Variants in CTNNA3 observed in about 807,000 individuals in gnomAD.
The protein encoded by CTNNA3 is catenin alpha-3.
CTNNA3 carries 76 observed loss-of-function variants against 95.7 expected under a neutral mutation model. The ratio of observed to expected loss-of-function variants is 0.79; its 90% CI spans 0.66 to 0.96. CTNNA3 has a LOEUF of 0.96. CTNNA3 is among the 40% of genes least tolerant of loss of function. CTNNA3 has a pLI of 0.00. For synonymous variants in CTNNA3, 431 were observed against 374.4 expected, an observed-to-expected ratio of 1.15 and a Z score of -1.74; for missense variants, 1,191 against 1,089.8, an observed-to-expected ratio of 1.09 and a Z score of -1.31.
intron 9 of CTNNA3, among the ~76,000 whole-genome samples, chr10:66,691,160 G>A (rs1209585857): frequency 2.6e-5 from 4 of 152,178 alleles, no homozygotes; most frequent in Admixed American, 6.5e-5. Context: ...GCAAGGCATT[G>A]CCTCACTCAG....
At chr10:66,860,669 C>T (rs2132410219) in intron 7 of CTNNA3, among the ~76,000 whole-genome samples, 1 of 152,248 alleles carries the variant, frequency 6.6e-6, no homozygotes, top group East Asian at 1.9e-4. Context: ...ATTTGCTATA[C>T]ATAAGACAAT....
chr10:66,999,825 C>T (rs1320022879), intron 7 of CTNNA3, among the ~76,000 whole-genome samples: 1 of 152,088 alleles, frequency 6.6e-6, no homozygotes, highest in Non-Finnish European at 1.5e-5. Flanking sequence ...GATTTGTATA[C>T]TAATTCTAGT....
chr10:65,981,509 T>C (rs535128554), intron 16 of CTNNA3, among the ~76,000 whole-genome samples: 1 of 151,990 alleles, frequency 6.6e-6, no homozygotes, highest in South Asian at 2.1e-4. Context: ...CTAAGATTCA[T>C]ATAGAACCAA....
intron 1 of CTNNA3, among the ~76,000 whole-genome samples, chr10:67,654,249 C>T (rs1464623821): frequency 6.6e-6 from 1 of 152,106 alleles, no homozygotes; most frequent in Admixed American, 6.6e-5. Context: ...GAAAGATTGG[C>T]GAGTAGAGCC....
intron 13 of CTNNA3, among the ~76,000 whole-genome samples, chr10:66,143,588 C>T (rs182222801): frequency 1.3e-5 from 2 of 152,290 alleles, no homozygotes; most frequent in Admixed American, 1.3e-4. Flanking sequence ...TAAATGGCTA[C>T]AATAACTTAA....
chr10:67,576,343 G>A (rs1186601368), intron 3 of CTNNA3, among the ~76,000 whole-genome samples: 1 of 151,930 alleles, frequency 6.6e-6, no homozygotes, highest in Non-Finnish European at 1.5e-5. Flanking sequence ...GAAGTATCTG[G>A]GAATTTATTT....
intron 7 of CTNNA3, among the ~76,000 whole-genome samples, chr10:66,969,223 C>T (rs1181971702): frequency 1.3e-5 from 2 of 152,018 alleles, no homozygotes; most frequent in Admixed American, 1.3e-4. Flanking sequence ...AACATTCATA[C>T]ATCTATGCAC....
chr10:66,531,050 A>G lies in CTNNA3; in HGVS notation c.1375-10277T>C, dbSNP rs928146008. 3.3e-5 allele frequency among the ~76,000 whole-genome samples: 5 copies of G among 152,186 alleles called. No homozygotes were observed. The East Asian group carries it at 9.6e-4, about 29-fold the overall frequency. ...TGCTCCCGGGAGGTCTGTAAAAGGC[A>G]ATAATTCCACATGAAAATCAAAACA... is the stretch of plus-strand genomic sequence containing the variant. On this transcript the variant is annotated intron_variant, in intron 10 of 17. Coordinates refer to ENST00000433211, the MANE Select transcript of CTNNA3 (RefSeq NM_013266.4).
intron 7 of CTNNA3, among the ~76,000 whole-genome samples, chr10:66,843,280 C>G (rs1286958817): frequency 1.3e-5 from 2 of 152,028 alleles, no homozygotes; most frequent in African/African-American, 4.8e-5. Context: ...GGATTCAATC[C>G]CAGACCCCTG....
At chr10:67,178,340 C>T (rs1168879965) in intron 7 of CTNNA3, among the ~76,000 whole-genome samples, 1 of 151,546 alleles carries the variant, frequency 6.6e-6, no homozygotes, top group East Asian at 1.9e-4. Context: ...CTATATGTCA[C>T]GAGACATATA....
At chr10:66,376,231 C>G (rs998947157) in intron 12 of CTNNA3, among the ~76,000 whole-genome samples, 2 of 152,148 alleles carry the variant, frequency 1.3e-5, no homozygotes, top group African/African-American at 4.8e-5. Flanking sequence ...CTTCACAATA[C>G]AGTCCAGAAG....
chr10:67,439,438 T>A (rs946779405), intron 5 of CTNNA3, among the ~76,000 whole-genome samples: 1 of 152,018 alleles, frequency 6.6e-6, no homozygotes, highest in Non-Finnish European at 1.5e-5. Context: ...CAAGCACATC[T>A]TACATGGCCG....
chr10:67,556,075 G>A (rs934065307), intron 3 of CTNNA3, among the ~76,000 whole-genome samples: 8 of 152,150 alleles, frequency 5.3e-5, no homozygotes, highest in Non-Finnish European at 5.9e-5. Context: ...TGTGTATGTT[G>A]AACCAGCCTT....
chr10:67,728,816 T>C (rs1433359307), intron 1 of CTNNA3, among the ~76,000 whole-genome samples: 1 of 152,116 alleles, frequency 6.6e-6, no homozygotes, highest in Non-Finnish European at 1.5e-5. Flanking sequence ...GACTGCTATG[T>C]GGTACTTACT....
chr10:67,400,091 C>T (rs1484622874), intron 5 of CTNNA3, among the ~76,000 whole-genome samples: 4 of 137,986 alleles, frequency 2.9e-5, no homozygotes, highest in African/African-American at 1.1e-4. Context: ...CCACAACAGT[C>T]CCCGGTGTGT....
At chr10:65,995,573 G>A (rs534404176) in intron 15 of CTNNA3, among the ~76,000 whole-genome samples, 68 of 152,326 alleles carry the variant, frequency 4.5e-4, no homozygotes, top group Middle Eastern at 3.4e-3. Flanking sequence ...CACAGGCAGC[G>A]TGCATGGGCA....
At chr10:66,633,066 T>C (rs547153724) in intron 9 of CTNNA3, among the ~76,000 whole-genome samples, 33 of 152,278 alleles carry the variant, frequency 2.2e-4, no homozygotes, top group African/African-American at 7.5e-4. Flanking sequence ...AATATGGGGA[T>C]ACAACTGGAA....
chr10:66,306,680 G>A, intron 12 of CTNNA3, among the ~76,000 whole-genome samples: 1 of 152,088 alleles, frequency 6.6e-6, no homozygotes, highest in East Asian at 1.9e-4. Context: ...AACGACCATC[G>A]AGTACTTACG....
intron 9 of CTNNA3, among the ~76,000 whole-genome samples, chr10:66,646,444 T>C (rs908609320): frequency 5.9e-5 from 9 of 152,086 alleles, no homozygotes; most frequent in African/African-American, 1.9e-4. Context: ...ATTATAATAG[T>C]GCTGACCTTT....
Sources: allele counts gnomAD v4.1 joint callset (sites outside exome capture counted in the v4.1 genomes callset), GRCh38; gene constraint gnomAD v4.1.1; transcripts MANE v1.5; gene names NCBI Gene and HGNC (gene_info 2026-07-23, HGNC 2026-07-21).